Variants in CBFA2T3 observed in about 807,000 individuals in gnomAD.
CBFA2T3 encodes CBFA2/RUNX1 partner transcriptional co-repressor 3, also known as transcriptional corepressor CBFA2T3.
CBFA2T3 carries 31 observed loss-of-function variants against 58.6 expected under a neutral mutation model. The ratio of observed to expected loss-of-function variants is 0.53; its 90% CI spans 0.40 to 0.71. CBFA2T3 has a LOEUF of 0.71. CBFA2T3 is among the 30% of genes least tolerant of loss of function. The probability of loss-of-function intolerance (pLI) is 0.00; values close to 1 mark genes in which losing one functional copy is unlikely to be tolerated. For missense variants in CBFA2T3, 1,076 were observed against 963.1 expected, an observed-to-expected ratio of 1.12 and a Z score of -1.55; for synonymous variants, 531 against 421.9, an observed-to-expected ratio of 1.26 and a Z score of -3.17.
chr16:88,879,268 A>G lies in CBFA2T3; in HGVS notation c.1662+2T>C. ...GGTGTCAGCGTGGCCGGGTGGCCCTACCTCGCTGGAGTCCTCCTGCTGGTT... is the reference window on the plus strand; with the variant it reads ...GGTGTCAGCGTGGCCGGGTGGCCCTGCCTCGCTGGAGTCCTCCTGCTGGTT... On this transcript the variant is annotated splice_donor_variant, in intron 11 of 11. Transcript: ENST00000268679. LOFTEE classifies it high-confidence loss of function. 1 of 1,586,474 alleles carries G rather than the reference A, an allele frequency of 6.3e-7. No homozygotes were observed. Among genetic ancestry groups the G allele is most frequent in the Non-Finnish European group, 8.6e-7 (1 of 1,164,098 alleles).
intron 1 of CBFA2T3, 32 bp downstream of exon 1, chr16:88,976,625 C>T: frequency 1.3e-6 from 2 of 1,504,690 alleles, no homozygotes; most frequent in Non-Finnish European, 1.8e-6. Flanking sequence ...CTCTCTGCCC[C>T]CACCCCACCA....
chr16:88,897,779 G>A (rs1273370648), intron 3 of CBFA2T3, among the ~76,000 whole-genome samples: 2 of 152,222 alleles, frequency 1.3e-5, no homozygotes, highest in African/African-American at 2.4e-5. Context: ...CTCGGCACTC[G>A]CAGTCAGCCC....
rs1218704361 is a variant in CBFA2T3 at position 88,882,574 on chromosome 16, GGGCGTGGC to G, written c.1203+94_1203+101del. On this transcript the variant is annotated intron_variant, in intron 8 of 11. Transcript: ENST00000268679. ...TGTGGCTGTGTGTGGGCATGGCTGTGGGCGTGGCTGTGTGTGCATGGCTGTGTGTGCGT... is the reference window on the plus strand; with the variant it reads ...TGTGGCTGTGTGTGGGCATGGCTGTGTGTGTGTGCATGGCTGTGTGTGCGT... 107 of 412,798 alleles carry G rather than the reference GGGCGTGGC, an allele frequency of 2.6e-4. No homozygotes were observed. The East Asian group carries it at 5.6e-3, about 22-fold the overall frequency. The allele number at this position is 412,798 out of a possible 1,614,324, so 25.6% of individuals were successfully genotyped here.
intron 1 of CBFA2T3, chr16:88,951,262 G>A (rs753508207): frequency 1.3e-5 from 6 of 448,484 alleles, no homozygotes; most frequent in Admixed American, 4.8e-5. Flanking sequence ...CCTGTCTTCC[G>A]GGTCTGTTCA....
In CBFA2T3 at chr16:88,953,093, G is replaced by C. The variant is rs141525027; in HGVS notation, c.151+23564C>G. On this transcript the variant is annotated intron_variant, in intron 1 of 11. Transcript: ENST00000268679. The surrounding 1 kb of genome is among the most constrained non-coding windows in gnomAD (Gnocchi z 4.9). Reference sequence around the variant, plus strand: ...CGAGAAAAAACACAACCTGGTCTCCGTCTGCCGGTTAGATCGGCCCCCAGT... The same window carrying C: ...CGAGAAAAAACACAACCTGGTCTCCCTCTGCCGGTTAGATCGGCCCCCAGT... Among the ~76,000 whole-genome samples, 1 of 152,196 alleles carries C rather than the reference G, an allele frequency of 6.6e-6. No homozygotes were observed. The highest frequency in any genetic ancestry group is 1.5e-5 in the Non-Finnish European group (1 of 68,040).
chr16:88,885,888 T>C lies in CBFA2T3; in HGVS notation c.893+73A>G. The C allele has an allele frequency of 7.3e-7, 1 of 1,365,474 alleles. No homozygotes were observed. The highest frequency in any genetic ancestry group is 1.0e-6 in the Non-Finnish European group (1 of 996,012). The allele number at this position is 1,365,474 out of a possible 1,614,324, so 84.6% of individuals were successfully genotyped here. On this transcript the variant is annotated intron_variant, in intron 6 of 11. Coordinates refer to ENST00000268679, the MANE Select transcript of CBFA2T3 (RefSeq NM_005187.6). The surrounding 1 kb of genome is among the most constrained non-coding windows in gnomAD (Gnocchi z 5.3). ...GCAGCCCCAGAGGAGGTTCCCTCTC[T>C]TACCCAGAGGGGAGCAGGGTGAGCC...
intron 2 of CBFA2T3, among the ~76,000 whole-genome samples, chr16:88,899,642 C>A (rs1162043696): frequency 6.6e-6 from 1 of 152,162 alleles, no homozygotes; most frequent in East Asian, 1.9e-4. Flanking sequence ...GAGCATCAGA[C>A]CGGCACCTTC....
chr16:88,887,279 T>C (rs1969418322), intron 5 of CBFA2T3: 1 of 152,240 alleles, frequency 6.6e-6, no homozygotes, highest in South Asian at 2.1e-4. Flanking sequence ...CAACCGGCCA[T>C]CTGTTGAGGA....
At chr16:88,916,597 A>G (rs1407222494) in intron 1 of CBFA2T3, among the ~76,000 whole-genome samples, 1 of 139,084 alleles carries the variant, frequency 7.2e-6, no homozygotes, top group African/African-American at 2.6e-5. Flanking sequence ...TGATCTGCAG[A>G]CAGAGCTTCT....
intron 1 of CBFA2T3, among the ~76,000 whole-genome samples, chr16:88,934,428 G>A (rs1971428736): frequency 6.6e-6 from 1 of 152,268 alleles, no homozygotes; most frequent in Non-Finnish European, 1.5e-5. Flanking sequence ...CTCGGCCGCA[G>A]AGGCACGGTG....
At chr16:88,952,729 C>T (rs1972109646) in intron 1 of CBFA2T3, among the ~76,000 whole-genome samples, 1 of 152,182 alleles carries the variant, frequency 6.6e-6, no homozygotes, top group South Asian at 2.1e-4. Context: ...CCTGATCTAC[C>T]CTTCCTGAGT....
chr16:88,943,209 G>T (rs928921630), intron 1 of CBFA2T3, among the ~76,000 whole-genome samples: 1 of 152,252 alleles, frequency 6.6e-6, no homozygotes, highest in Non-Finnish European at 1.5e-5. Flanking sequence ...CAGTCGGGTT[G>T]TGAGCTAAAC....
chr16:88,927,667 G>A (rs550673228), intron 1 of CBFA2T3, among the ~76,000 whole-genome samples: 2 of 152,180 alleles, frequency 1.3e-5, no homozygotes, highest in Admixed American at 1.3e-4. Context: ...CTGTCACAGA[G>A]GGAGCCGGGG....
chr16:88,901,042 C>T (rs1441270557), intron 2 of CBFA2T3, among the ~76,000 whole-genome samples: 1 of 152,270 alleles, frequency 6.6e-6, no homozygotes, highest in East Asian at 1.9e-4. Flanking sequence ...CTCTGTGGTC[C>T]CTCCACGGGG....
At chr16:88,906,164 C>T (rs1014706848) in intron 1 of CBFA2T3, among the ~76,000 whole-genome samples, 1 of 152,148 alleles carries the variant, frequency 6.6e-6, no homozygotes, top group Non-Finnish European at 1.5e-5. Flanking sequence ...CTGGAGCTCC[C>T]ACCGGCCCAC....
intron 3 of CBFA2T3, among the ~76,000 whole-genome samples, chr16:88,897,202 A>G (rs1969920366): frequency 6.6e-6 from 1 of 152,246 alleles, no homozygotes. Flanking sequence ...GACAAGAGCC[A>G]CTGTCCAGGA....
intron 1 of CBFA2T3, among the ~76,000 whole-genome samples, chr16:88,967,864 C>T (rs977756733): frequency 5.3e-5 from 8 of 152,182 alleles, no homozygotes; most frequent in Non-Finnish European, 1.0e-4. Context: ...CAGCGGGGGT[C>T]GGCGTGAGCT....
chr16:88,907,976 G>T (rs1314459855), intron 1 of CBFA2T3, among the ~76,000 whole-genome samples: 1 of 152,210 alleles, frequency 6.6e-6, no homozygotes, highest in Non-Finnish European at 1.5e-5. Context: ...AGAGGACAGG[G>T]AGAGAGTGCC....
chr16:88,936,536 G>A (rs1971506718), intron 1 of CBFA2T3, among the ~76,000 whole-genome samples: 1 of 152,166 alleles, frequency 6.6e-6, no homozygotes, highest in Non-Finnish European at 1.5e-5. Context: ...CTCAGCCTCA[G>A]GGGCAGCCGA....
Sources: gnomAD v4.1 joint callset for allele counts (sites outside exome capture counted in the v4.1 genomes callset) on GRCh38, gnomAD v4.1.1 for gene constraint, Gnocchi (gnomAD v3.1) non-coding constraint, MANE v1.5 for transcripts, NCBI Gene and HGNC (gene_info 2026-07-23, HGNC 2026-07-21) for gene names.